The following TRMT11 variants were observed in gnomAD, a reference collection of about 807,000 sequenced individuals.
TRMT11 encodes tRNA (guanine(10)-N(2))-methyltransferase TRMT11.
A neutral mutation model predicts 62.8 loss-of-function variants in TRMT11; 53 were observed. The ratio of observed to expected loss-of-function variants is 0.84; its 90% CI spans 0.68 to 1.06. The LOEUF is 1.06. TRMT11 is among the 50% of genes least tolerant of loss of function. The pLI is 0.00. For missense variants in TRMT11, 556 were observed against 553.4 expected (o/e 1.00, Z -0.05); for synonymous variants, 188 against 190.3 (o/e 0.99, Z 0.10).
At chr6:126,016,612 A>G (rs932735188) in intron 11 of TRMT11, among the ~76,000 whole-genome samples, 3 of 151,958 alleles carry the variant, frequency 2.0e-5, no homozygotes, top group Non-Finnish European at 4.4e-5. Context: ...TGACTTCTCT[A>G]TTTTAGTAAT....
chr6:126,184,020 T>G (rs968482059), intron 1 of TRMT11, among the ~76,000 whole-genome samples: 3 of 152,122 alleles, frequency 2.0e-5, no homozygotes, highest in Non-Finnish European at 4.4e-5. Context: ...AAATGACTAA[T>G]AATAATAGAT....
At chr6:126,150,101 C>T (rs920734263) in intron 21 of TRMT11, among the ~76,000 whole-genome samples, 1 of 152,008 alleles carries the variant, frequency 6.6e-6, no homozygotes, top group Non-Finnish European at 1.5e-5. Context: ...TAGATTAGTC[C>T]ATTCATGGAT....
At chr6:126,132,755 A>G (rs1281197610) in intron 21 of TRMT11, among the ~76,000 whole-genome samples, 2 of 151,938 alleles carry the variant, frequency 1.3e-5, no homozygotes, top group Non-Finnish European at 2.9e-5. Flanking sequence ...AGAACTCAGA[A>G]CTCAGGGTGG....
At chr6:126,151,899 T>TC (rs200571663) in intron 21 of TRMT11, among the ~76,000 whole-genome samples, 11,356 of 66,712 alleles carry the variant, frequency 0.17, 1,564 homozygotes, top group African/African-American at 0.24. Flanking sequence ...TCTTTTTCTT[T>TC]CTTTTCTCTT....
chr6:126,064,201 G>A (rs952439160), intron 17 of TRMT11, among the ~76,000 whole-genome samples: 1 of 152,046 alleles, frequency 6.6e-6, no homozygotes, highest in African/African-American at 2.4e-5. Flanking sequence ...GGTGGGCATG[G>A]GGTGGAGGGA....
chr6:126,097,664 T>A lies in TRMT11; in HGVS notation c.*1438-15202T>A, dbSNP rs563431609. On this transcript the variant is annotated intron_variant and NMD_transcript_variant, in intron 17 of 22. Transcript: ENST00000648977. ...CTCAAACTGTTTAATCAATTGAAATTAAAAAAAATCTGAACTTCAACCAAG... is the reference window on the plus strand; with the variant it reads ...CTCAAACTGTTTAATCAATTGAAATAAAAAAAAATCTGAACTTCAACCAAG... Among the ~76,000 whole-genome samples, 600 of 152,144 alleles carry A rather than the reference T, an allele frequency of 3.9e-3. 6 individuals are homozygous for A. The highest frequency in any genetic ancestry group is 3.0e-3 in the Non-Finnish European group (202 of 67,984).
intron 17 of TRMT11, among the ~76,000 whole-genome samples, chr6:126,063,207 A>C (rs952139287): frequency 2.0e-5 from 3 of 152,164 alleles, no homozygotes; most frequent in African/African-American, 7.2e-5. Flanking sequence ...TTTTATGATT[A>C]TCAAATACAT....
At chr6:126,219,487 C>T in the TRMT11 span, among the ~76,000 whole-genome samples, 3 of 152,202 alleles carry the variant, frequency 2.0e-5, no homozygotes, top group African/African-American at 7.2e-5. Context: ...GATTTAAGGT[C>T]TTACATACCA....
At chr6:126,008,667 A>T (rs560406447) in intron 8 of TRMT11, 195 bp downstream of exon 8, 2 of 696,838 alleles carry the variant, frequency 2.9e-6, no homozygotes, top group African/African-American at 3.5e-5. Context: ...CCTGCTCAAC[A>T]TGAAGGTGAT....
At chr6:126,055,949 G>T (rs1776361835) in intron 17 of TRMT11, among the ~76,000 whole-genome samples, 2 of 152,066 alleles carry the variant, frequency 1.3e-5, no homozygotes, top group South Asian at 4.2e-4. Flanking sequence ...GAGACACCCA[G>T]CTCCCTGCCT....
At chr6:125,993,343 A>G (rs1237135805) in intron 1 of TRMT11, among the ~76,000 whole-genome samples, 1 of 152,190 alleles carries the variant, frequency 6.6e-6, no homozygotes, top group Non-Finnish European at 1.5e-5. Flanking sequence ...TGAGATAGTT[A>G]TTTGTGCTTA....
At chr6:126,036,861 A>G (rs1775289232) in intron 12 of TRMT11, among the ~76,000 whole-genome samples, 1 of 152,072 alleles carries the variant, frequency 6.6e-6, no homozygotes, top group South Asian at 2.1e-4. Flanking sequence ...TTATCCTGGC[A>G]CAGTCCTGAT....
the TRMT11 span, among the ~76,000 whole-genome samples, chr6:126,232,558 G>A: frequency 6.6e-6 from 1 of 152,126 alleles, no homozygotes; most frequent in Non-Finnish European, 1.5e-5. Context: ...TTGGGCAGGG[G>A]TCCTTGTTCA....
At chr6:126,158,935 C>A (rs922781030) in intron 21 of TRMT11, among the ~76,000 whole-genome samples, 22 of 152,202 alleles carry the variant, frequency 1.4e-4, no homozygotes, top group Admixed American at 1.2e-3. Flanking sequence ...CCAGCTCTGA[C>A]TTCCTTTGGT....
the TRMT11 span, among the ~76,000 whole-genome samples, chr6:126,258,815 T>G: frequency 6.6e-6 from 1 of 152,336 alleles, no homozygotes; most frequent in South Asian, 2.1e-4. Context: ...CATTTCTTTT[T>G]GTTGATCTTT....
At chr6:126,158,012 A>G (rs1778140710) in intron 21 of TRMT11, among the ~76,000 whole-genome samples, 1 of 152,118 alleles carries the variant, frequency 6.6e-6, no homozygotes, top group African/African-American at 2.4e-5. Context: ...TATATCCTCT[A>G]TTCCAATCAT....
chr6:126,241,434 A>G, the TRMT11 span, among the ~76,000 whole-genome samples: 2 of 152,162 alleles, frequency 1.3e-5, 1 homozygote, highest in Non-Finnish European at 2.9e-5. Context: ...ATTCTCCCTA[A>G]CTCATTTTAT....
the TRMT11 span, among the ~76,000 whole-genome samples, chr6:126,250,766 C>T: frequency 1.8e-3 from 268 of 152,206 alleles, 3 homozygotes; most frequent in African/African-American, 6.0e-3. Flanking sequence ...ATCCTTCTAC[C>T]CATACATATT....
At chr6:126,190,176 T>C (rs1249610800) in intron 1 of TRMT11, among the ~76,000 whole-genome samples, 2 of 152,178 alleles carry the variant, frequency 1.3e-5, no homozygotes, top group Non-Finnish European at 2.9e-5. Context: ...TTTGTACCCA[T>C]TAACTAGCTT....
Sources: gnomAD v4.1 joint callset for allele counts (sites outside exome capture counted in the v4.1 genomes callset) on GRCh38, gnomAD v4.1.1 for gene constraint, MANE v1.5 for transcripts, NCBI Gene and HGNC (gene_info 2026-07-23, HGNC 2026-07-21) for gene names.